Variants in KITLG observed in about 807,000 individuals in gnomAD.
KITLG encodes KIT ligand, also known as c-Kit ligand.
A neutral mutation model predicts 34.1 loss-of-function variants in KITLG; 13 were observed. The observed-to-expected ratio is 0.38, with a 90% CI of 0.25 to 0.61. The LOEUF is 0.61. KITLG is among the 20% of genes least tolerant of loss of function. The pLI is 0.60. For missense variants in KITLG, 292 were observed against 318.9 expected (o/e 0.92, Z 0.64); for synonymous variants, 110 against 104.0 (o/e 1.06, Z -0.35).
chr12:88,538,601 G>A (rs562309746), intron 2 of KITLG, among the ~76,000 whole-genome samples: 1 of 152,110 alleles, frequency 6.6e-6, no homozygotes, highest in Non-Finnish European at 1.5e-5. Flanking sequence ...AAGACCACTA[G>A]GAATTTGAAT....
intron 9 of KITLG, among the ~76,000 whole-genome samples, chr12:88,501,637 T>C (rs1243795950): frequency 6.6e-6 from 1 of 152,120 alleles, no homozygotes; most frequent in African/African-American, 2.4e-5. Flanking sequence ...TGATTACAAA[T>C]GATATACACA....
chr12:88,513,014 T>A (rs908578817), intron 6 of KITLG, among the ~76,000 whole-genome samples: 1 of 151,822 alleles, frequency 6.6e-6, no homozygotes, highest in African/African-American at 2.4e-5. Context: ...TATTTCTTCT[T>A]CTCTTACTTT....
chr12:88,510,016 C>T (rs767373585), intron 6 of KITLG, among the ~76,000 whole-genome samples: 38 of 152,072 alleles, frequency 2.5e-4, no homozygotes, highest in Admixed American at 1.4e-3. Context: ...TCATCTGGGC[C>T]GGATTTGAGT....
intron 9 of KITLG, among the ~76,000 whole-genome samples, chr12:88,497,918 G>C (rs1403459106): frequency 1.3e-5 from 2 of 152,206 alleles, no homozygotes; most frequent in East Asian, 3.9e-4. Context: ...AAGAAAGACT[G>C]TAATCTTGGC....
chr12:88,497,487 T>G (rs1017646165), intron 9 of KITLG, among the ~76,000 whole-genome samples: 16 of 152,182 alleles, frequency 1.1e-4, no homozygotes, highest in African/African-American at 3.6e-4. Flanking sequence ...CTGCTGTACC[T>G]CCACTCTTAT....
chr12:88,546,875 C>T (rs1870737997), intron 1 of KITLG, among the ~76,000 whole-genome samples: 1 of 152,128 alleles, frequency 6.6e-6, no homozygotes, highest in African/African-American at 2.4e-5. Flanking sequence ...GTGATAAACA[C>T]TTTCGGAACA....
At chr12:88,540,842 A>G (rs1025614333) in intron 2 of KITLG, among the ~76,000 whole-genome samples, 1 of 152,164 alleles carries the variant, frequency 6.6e-6, no homozygotes, top group African/African-American at 2.4e-5. Flanking sequence ...TAGAGAAAGA[A>G]TTTTCTGCTG....
At chr12:88,545,289 G>A (rs1434996410) in intron 2 of KITLG, among the ~76,000 whole-genome samples, 2 of 152,178 alleles carry the variant, frequency 1.3e-5, no homozygotes, top group African/African-American at 2.4e-5. Flanking sequence ...AACACCCACT[G>A]ACATGTGACA....
chr12:88,541,827 T>G (rs554506299), intron 2 of KITLG, among the ~76,000 whole-genome samples: 2 of 151,232 alleles, frequency 1.3e-5, no homozygotes, highest in African/African-American at 4.9e-5. Context: ...AAAAAAAAAA[T>G]TTGACATTAA....
intron 1 of KITLG, among the ~76,000 whole-genome samples, chr12:88,548,467 A>T (rs568584186): frequency 4.1e-5 from 6 of 145,218 alleles, no homozygotes; most frequent in African/African-American, 1.5e-4. Flanking sequence ...AAAAAAAAAA[A>T]GTTAGATAAC....
chr12:88,541,302 G>C (rs1228158811), intron 2 of KITLG, among the ~76,000 whole-genome samples: 1 of 152,054 alleles, frequency 6.6e-6, no homozygotes, highest in Admixed American at 6.6e-5. Flanking sequence ...GACTGACCTT[G>C]AAAAGACAGA....
intron 6 of KITLG, among the ~76,000 whole-genome samples, chr12:88,509,072 T>C (rs1869178911): frequency 6.6e-6 from 1 of 152,176 alleles, no homozygotes; most frequent in Admixed American, 6.5e-5. Context: ...GGTATGTAAT[T>C]ACAATAGATT....
chr12:88,557,365 G>A (rs1871128344), intron 1 of KITLG, among the ~76,000 whole-genome samples: 1 of 152,150 alleles, frequency 6.6e-6, no homozygotes, highest in Non-Finnish European at 1.5e-5. Flanking sequence ...TGTGACAGCA[G>A]TATAGACTAT....
chr12:88,556,607 G>C (rs1180100064), intron 1 of KITLG, among the ~76,000 whole-genome samples: 1 of 152,212 alleles, frequency 6.6e-6, no homozygotes, highest in Non-Finnish European at 1.5e-5. Context: ...ATGACTTCCA[G>C]GTTCCAGTTT....
chr12:88,528,268 C>G (rs2120869887), intron 3 of KITLG, among the ~76,000 whole-genome samples: 1 of 152,280 alleles, frequency 6.6e-6, no homozygotes. Context: ...ACACTCCTGC[C>G]TCCCTTTTAT....
intron 1 of KITLG, 81 bp downstream of exon 1, chr12:88,580,183 C>A: frequency 1.4e-6 from 2 of 1,452,058 alleles, no homozygotes; most frequent in Non-Finnish European, 1.9e-6. Context: ...GCTGCAAGTC[C>A]CAGGGAGCGC....
intron 1 of KITLG, among the ~76,000 whole-genome samples, chr12:88,556,920 T>G (rs1432585195): frequency 6.6e-6 from 1 of 152,198 alleles, no homozygotes; most frequent in Non-Finnish European, 1.5e-5. Context: ...GAGTACTTAA[T>G]GGAGCTGACC....
chr12:88,518,789 T>C lies in KITLG; in HGVS notation c.271A>G (p.Ile91Val). ...GAATAATTACTCAAGCCTTCAGAAA[T>C]ATTTGAAAACTTGTCCAGAAGATCA... Reference protein sequence around the residue: ...LTDLLDKFSNISEGLSNYSII... With the variant: ...LTDLLDKFSNVSEGLSNYSII... The change falls in exon 4 of 10, where the codon ATT becomes GTT. Residue 91 changes from isoleucine to valine, a missense_variant. Ile to Val is a conservative substitution (Grantham distance 29, BLOSUM62 3). This residue lies in a region of KITLG where 152 missense variants were observed against 207.9 expected (regional missense o/e 0.73). Coordinates refer to ENST00000644744, the MANE Select transcript of KITLG (RefSeq NM_000899.5). The C allele has an allele frequency of 1.2e-6, 2 of 1,613,358 alleles. No homozygotes were observed. The highest frequency in any genetic ancestry group is 1.7e-6 in the Non-Finnish European group (2 of 1,179,468).
At chr12:88,563,954 C>G (rs1268763993) in intron 1 of KITLG, among the ~76,000 whole-genome samples, 2 of 123,898 alleles carry the variant, frequency 1.6e-5, no homozygotes, top group Non-Finnish European at 3.7e-5. Flanking sequence ...AAGAGCAAAA[C>G]TCCATCTCAA....
Sources: gnomAD v4.1 joint callset for allele counts (sites outside exome capture counted in the v4.1 genomes callset) on GRCh38, gnomAD v4.1.1 for gene constraint, gnomAD v4.1.1 regional missense constraint, MANE v1.5 for transcripts, NCBI Gene and HGNC (gene_info 2026-07-23, HGNC 2026-07-21) for gene names.